Variants in C1QTNF1 observed in about 807,000 individuals in gnomAD.
The protein encoded by C1QTNF1 is C1q and TNF related 1, also known as complement C1q tumor necrosis factor-related protein 1.
A neutral mutation model predicts 27.8 loss-of-function variants in C1QTNF1; 22 were observed. The ratio of observed to expected loss-of-function variants is 0.79; its 90% CI spans 0.56 to 1.13. The LOEUF is 1.13. Among genes scored for constraint, C1QTNF1 ranks in the 50% most tolerant of loss-of-function variants. The pLI is 0.00. For synonymous variants in C1QTNF1, 166 were observed against 154.3 expected, an observed-to-expected ratio of 1.08 and a Z score of -0.56; for missense variants, 373 against 380.2, an observed-to-expected ratio of 0.98 and a Z score of 0.16.
At chr17:79,029,921 C>G (rs1207063153) in intron 1 of C1QTNF1, among the ~76,000 whole-genome samples, 1 of 152,194 alleles carries the variant, frequency 6.6e-6, no homozygotes, top group Non-Finnish European at 1.5e-5. Context: ...GAATCCAGCT[C>G]CCTGCTGGGT....
chr17:79,028,641 C>T (rs2072041350), intron 1 of C1QTNF1, among the ~76,000 whole-genome samples: 1 of 152,200 alleles, frequency 6.6e-6, no homozygotes, highest in African/African-American at 2.4e-5. Flanking sequence ...GGCCCATGGT[C>T]CTGAGGGTCC....
chr17:79,023,716 A>G (rs1202332685), upstream of C1QTNF1, among the ~76,000 whole-genome samples: 2 of 152,020 alleles, frequency 1.3e-5, no homozygotes, highest in Admixed American at 6.5e-5. Context: ...ACACACACAC[A>G]CACACACACA....
chr17:79,036,148 A>G (rs992419578), intron 1 of C1QTNF1, among the ~76,000 whole-genome samples: 5 of 152,226 alleles, frequency 3.3e-5, no homozygotes, highest in Admixed American at 2.0e-4. Context: ...ATACTTTCCA[A>G]CATGGTAACC....
intron 1 of C1QTNF1, among the ~76,000 whole-genome samples, chr17:79,037,777 TCCTA>T (rs2072298864): frequency 6.6e-6 from 1 of 152,052 alleles, no homozygotes; most frequent in Non-Finnish European, 1.5e-5. Context: ...CAGGTGATCC[TCCTA>T]CCTCAGTCTC....
At chr17:79,027,365 C>T (rs1211593865) in intron 1 of C1QTNF1, 1 of 152,310 alleles carries the variant, frequency 6.6e-6, no homozygotes, top group Non-Finnish European at 1.5e-5. Context: ...TCATACAGGG[C>T]AAGAACTCAC....
intron 3 of C1QTNF1, 22 bp from the exon 4 acceptor site, chr17:79,047,516 C>G: frequency 6.6e-7 from 1 of 1,517,888 alleles, no homozygotes; most frequent in Non-Finnish European, 8.8e-7. Context: ...ATTAACAGCA[C>G]GCGTTTTCCC....
intron 1 of C1QTNF1, chr17:79,025,073 A>G (rs2071897366): frequency 6.6e-6 from 1 of 152,214 alleles, no homozygotes; most frequent in Non-Finnish European, 1.5e-5. Context: ...CTTGGGCAGG[A>G]AAAAACGGTG....
At chr17:79,038,000 T>C (rs914933745) in intron 1 of C1QTNF1, among the ~76,000 whole-genome samples, 1 of 151,548 alleles carries the variant, frequency 6.6e-6, no homozygotes, top group Non-Finnish European at 1.5e-5. Flanking sequence ...CTTTTTCTTT[T>C]TTTTTTTGAG....
chr17:79,034,363 G>T (rs2072214473), intron 1 of C1QTNF1: 1 of 152,400 alleles, frequency 6.6e-6, no homozygotes, highest in Non-Finnish European at 1.5e-5. Flanking sequence ...GAGGTGAGCT[G>T]AGGACAGCTG....
At position 79,049,662 on chromosome 17, in the gene C1QTNF1, ACTT is replaced by A. The variant is rs1401139868; in HGVS notation, c.*1577_*1579del. On this transcript the variant is annotated 3_prime_UTR_variant, in exon 4 of 4. Transcript: ENST00000579760. This position sits in a 1 kb window ranked among gnomAD's most constrained non-coding sequence, Gnocchi z 4.4. ...GTCCCTAAGTCCCTCTCTTTAAAGA[ACTT>A]CTGCGGGTCAGACTCTGAAGCCGAG... 4 of 152,204 alleles carry A rather than the reference ACTT, an allele frequency of 2.6e-5. No individual in the cohort carries two copies. Among genetic ancestry groups the A allele is most frequent in the Non-Finnish European group, 5.9e-5 (4 of 68,096 alleles). The allele number at this position is 152,204 out of a possible 1,614,324, so 9.4% of individuals were successfully genotyped here. A position where few individuals can be genotyped will look rare whatever the true frequency, so the allele number is the denominator to read the frequency against.
Position 79,028,731 on chromosome 17 carries a change from G to A in C1QTNF1, c.-15+4237G>A, listed in dbSNP as rs556095534. 5.3e-5 allele frequency among the ~76,000 whole-genome samples: 8 copies of A among 152,218 alleles called. 1 individual carries two copies. In the South Asian group the frequency reaches 1.2e-3, roughly 24 times the overall value. Reference sequence around the variant, plus strand: ...TTGTGCCCATTAGAGGGCACTGGTCGGGAGAGAAAAATCATCTGTACCCCA... The same window carrying A: ...TTGTGCCCATTAGAGGGCACTGGTCAGGAGAGAAAAATCATCTGTACCCCA... On this transcript the variant is annotated intron_variant, in intron 1 of 3. Coordinates refer to ENST00000579760, the MANE Select transcript of C1QTNF1 (RefSeq NM_030968.5).
At chr17:79,032,695 GC>G (rs2072167337) in intron 1 of C1QTNF1, among the ~76,000 whole-genome samples, 1 of 152,196 alleles carries the variant, frequency 6.6e-6, no homozygotes. Context: ...CTTTCACCAA[GC>G]TGCAAGCCAC....
chr17:79,028,069 C>G (rs1484000903), intron 1 of C1QTNF1, among the ~76,000 whole-genome samples: 1 of 152,206 alleles, frequency 6.6e-6, no homozygotes, highest in Non-Finnish European at 1.5e-5. Flanking sequence ...CGGTGTCTGC[C>G]CATCTCCCTG....
Position 79,047,659 on chromosome 17 carries a change from G to A in C1QTNF1, c.417G>A (p.Glu139=). 1 of 1,611,342 alleles carries A rather than the reference G, an allele frequency of 6.2e-7. No homozygotes were observed. Among genetic ancestry groups the A allele is most frequent in the Non-Finnish European group, 8.5e-7 (1 of 1,177,904 alleles). ...GQKGSMGAPG[E]RCKSHYAAFS... is the part of the protein sequence containing the mutation. ...AGGGCTCCATGGGGGCCCCTGGGGA[G>A]CGGTGCAAGAGCCACTACGCCGCCT... Residue 139 remains glutamate, a synonymous_variant, in exon 4 of 4, where the codon GAG becomes GAA. Transcript: ENST00000579760.
At position 79,047,815 on chromosome 17, in the gene C1QTNF1, C is replaced by G. The variant is rs777305977; in HGVS notation, c.573C>G (p.Gly191=). Residue 191 remains glycine (G), a synonymous_variant, in exon 4 of 4, where the codon GGC becomes GGG. Transcript: ENST00000579760. The stretch of plus-strand genomic sequence containing the variant: ...GCAAGTTCTACTGCTACGTGCCCGG[C>G]CTCTACTTCTTCAGCCTCAACGTGC... ...FTGKFYCYVP[G]LYFFSLNVHT... is the part of the protein sequence containing the mutation. 3.5e-5 allele frequency: 56 copies of G among 1,614,114 alleles called. No homozygotes were observed. The highest frequency in any genetic ancestry group is 1.7e-4 in the Admixed American group (10 of 60,012).
chr17:79,030,491 TTCTTTCTTTC>T (rs1568061082), intron 1 of C1QTNF1, among the ~76,000 whole-genome samples: 85 of 91,898 alleles, frequency 9.2e-4, no homozygotes, highest in East Asian at 3.5e-3. Flanking sequence ...TTCTTTTTCT[TTCTTTCTTTC>T]TTTCTTTCTT....
At chr17:79,030,945 C>T (rs528081758) in intron 1 of C1QTNF1, among the ~76,000 whole-genome samples, 26 of 151,150 alleles carry the variant, frequency 1.7e-4, no homozygotes, top group Non-Finnish European at 2.4e-4. Flanking sequence ...TTTACAGAGA[C>T]GCCTAACTGG....
chr17:79,033,503 C>T (rs982579129), intron 1 of C1QTNF1, among the ~76,000 whole-genome samples: 7 of 151,728 alleles, frequency 4.6e-5, no homozygotes, highest in Non-Finnish European at 8.8e-5. Flanking sequence ...TTGAGACCAG[C>T]CTGGGAAACA....
rs3223281 is a variant in C1QTNF1 at position 79,028,883 on chromosome 17, G to GGTGT, written c.-15+4415_-15+4418dup. ...ACTGCCCAAGCCCCTCACATTTTAA[G>GGTGT]GTGTGTGTGTGTGTGTGTGTGTGTG... On this transcript the variant is annotated intron_variant, in intron 1 of 3. Transcript: ENST00000579760. 7.4e-3 allele frequency among the ~76,000 whole-genome samples: 1,100 copies of GGTGT among 149,326 alleles called. 13 individuals are homozygous for GGTGT. Among genetic ancestry groups the GGTGT allele is most frequent in the East Asian group, 0.059 (299 of 5,070 alleles).
Sources: allele counts gnomAD v4.1 joint callset (sites outside exome capture counted in the v4.1 genomes callset), GRCh38; gene constraint gnomAD v4.1.1; non-coding constraint Gnocchi (gnomAD v3.1); transcripts MANE v1.5; gene names NCBI Gene and HGNC (gene_info 2026-07-23, HGNC 2026-07-21).